The following MICU3 variants were observed in gnomAD, a reference collection of about 807,000 sequenced individuals.
MICU3 encodes the protein calcium uptake protein 3, mitochondrial.
In MICU3, 62 loss-of-function variants were observed where a neutral mutation model predicts 66.5. That is an observed-to-expected ratio of 0.93 (90% CI 0.76 to 1.15). The LOEUF is 1.15. MICU3 is among the 50% of genes most tolerant of loss of function. MICU3 has a pLI of 0.00. For missense variants in MICU3, 779 were observed against 664.4 expected (o/e 1.17, Z -1.90); for synonymous variants, 308 against 240.7 (o/e 1.28, Z -2.59).
intron 3 of MICU3, among the ~76,000 whole-genome samples, chr8:17,071,414 A>G (rs148231057): frequency 5.9e-5 from 9 of 152,186 alleles, no homozygotes; most frequent in Non-Finnish European, 1.2e-4. Context: ...CTGTGTCCTA[A>G]TCTCTTCTTA....
chr8:17,114,992 G>A (rs1165079623), intron 12 of MICU3, among the ~76,000 whole-genome samples: 1 of 150,890 alleles, frequency 6.6e-6, no homozygotes, highest in East Asian at 1.9e-4. Context: ...AGTGGCGGGC[G>A]CCTGTAGTCC....
intron 4 of MICU3, among the ~76,000 whole-genome samples, chr8:17,081,404 A>G (rs1821161645): frequency 1.3e-5 from 2 of 152,108 alleles, no homozygotes; most frequent in African/African-American, 2.4e-5. Flanking sequence ...GTCGTACATT[A>G]GAAACTAGCA....
intron 1 of MICU3, among the ~76,000 whole-genome samples, chr8:17,035,290 G>C (rs971306713): frequency 3.5e-4 from 53 of 152,316 alleles, no homozygotes; most frequent in Admixed American, 3.5e-3. Flanking sequence ...CTGGTAGAGG[G>C]GGGTGCTGTT....
downstream of MICU3, among the ~76,000 whole-genome samples, chr8:17,125,092 T>A (rs1171527995): frequency 1.3e-5 from 2 of 152,166 alleles, no homozygotes; most frequent in African/African-American, 4.8e-5. Flanking sequence ...TCAGTTTTCC[T>A]GGTATTTCTA....
chr8:17,045,088 A>G (rs1233654573), intron 1 of MICU3, among the ~76,000 whole-genome samples: 1 of 152,032 alleles, frequency 6.6e-6, no homozygotes, highest in East Asian at 1.9e-4. Context: ...AATCGGAGGT[A>G]TCTGCTAGTC....
At chr8:17,071,504 C>T (rs1353788261) in intron 3 of MICU3, among the ~76,000 whole-genome samples, 2 of 151,974 alleles carry the variant, frequency 1.3e-5, no homozygotes, top group Admixed American at 6.6e-5. Flanking sequence ...AAAGAAAGGT[C>T]CTCTCTGCAA....
intron 1 of MICU3, among the ~76,000 whole-genome samples, chr8:17,063,821 A>C (rs1221027774): frequency 6.6e-6 from 1 of 151,986 alleles, no homozygotes; most frequent in Admixed American, 6.6e-5. Flanking sequence ...AAATAAACCA[A>C]AAAAAAATCA....
intron 8 of MICU3, among the ~76,000 whole-genome samples, chr8:17,097,277 A>G (rs369243735): frequency 6.6e-6 from 1 of 151,778 alleles, no homozygotes; most frequent in East Asian, 1.9e-4. Context: ...TATTAGTTCT[A>G]TATTTAGCTA....
chr8:17,063,168 AAAAG>A (rs1193557782), intron 1 of MICU3, among the ~76,000 whole-genome samples: 1 of 152,168 alleles, frequency 6.6e-6, no homozygotes, highest in Non-Finnish European at 1.5e-5. Context: ...TTTCTTTGCC[AAAAG>A]AAAGCAAAAA....
the MICU3 span, among the ~76,000 whole-genome samples, chr8:17,138,165 G>A: frequency 6.6e-6 from 1 of 152,036 alleles, no homozygotes; most frequent in Non-Finnish European, 1.5e-5. Flanking sequence ...TGTTTAAAGA[G>A]TTATGATGTC....
intron 3 of MICU3, among the ~76,000 whole-genome samples, chr8:17,071,171 G>T (rs1209566145): frequency 2.0e-5 from 3 of 152,148 alleles, no homozygotes; most frequent in African/African-American, 7.2e-5. Context: ...TGTCACAACT[G>T]TTCCATAGCA....
At chr8:17,042,978 C>T (rs981590482) in intron 1 of MICU3, among the ~76,000 whole-genome samples, 2 of 109,688 alleles carry the variant, frequency 1.8e-5, no homozygotes, top group African/African-American at 3.6e-5. Flanking sequence ...CTCACTCTTT[C>T]GCCCAAGCTG....
At chr8:17,058,020 C>T (rs1050560044) in intron 1 of MICU3, among the ~76,000 whole-genome samples, 3 of 151,972 alleles carry the variant, frequency 2.0e-5, no homozygotes, top group Non-Finnish European at 4.4e-5. Flanking sequence ...GCTAATTTTT[C>T]TGTATTTTTA....
At chr8:17,051,686 G>C (rs1414252097) in intron 1 of MICU3, among the ~76,000 whole-genome samples, 2 of 152,138 alleles carry the variant, frequency 1.3e-5, no homozygotes, top group Non-Finnish European at 2.9e-5. Context: ...TGCTATAAGA[G>C]GAAAACTGAG....
intron 1 of MICU3, 40 bp downstream of exon 1, chr8:17,027,700 T>A: frequency 7.9e-7 from 1 of 1,263,192 alleles, no homozygotes; most frequent in Non-Finnish European, 9.9e-7. Flanking sequence ...GCGGGGGATG[T>A]GACCTTCGTG....
chr8:17,134,714 G>A, the MICU3 span, among the ~76,000 whole-genome samples: 1 of 152,128 alleles, frequency 6.6e-6, no homozygotes, highest in Non-Finnish European at 1.5e-5. Context: ...AAATTGCTGG[G>A]ATCATAGGCG....
At chr8:17,033,144 C>T (rs991555330) in intron 1 of MICU3, among the ~76,000 whole-genome samples, 3 of 152,152 alleles carry the variant, frequency 2.0e-5, no homozygotes, top group African/African-American at 7.2e-5. Flanking sequence ...GGAAGAGTTG[C>T]ACATCTCTCA....
intron 1 of MICU3, among the ~76,000 whole-genome samples, chr8:17,054,045 G>A (rs927571684): frequency 6.6e-6 from 1 of 152,204 alleles, no homozygotes; most frequent in Non-Finnish European, 1.5e-5. Context: ...GTTTTCTGCA[G>A]GAGCTTTGCA....
chr8:17,100,627 A>G (rs1801174191), intron 9 of MICU3, among the ~76,000 whole-genome samples: 1 of 151,672 alleles, frequency 6.6e-6, no homozygotes, highest in Non-Finnish European at 1.5e-5. Context: ...TTTAATATGT[A>G]ATTATTGAGA....
Sources: allele counts gnomAD v4.1 joint callset (sites outside exome capture counted in the v4.1 genomes callset), GRCh38; gene constraint gnomAD v4.1.1; transcripts MANE v1.5; gene names NCBI Gene and HGNC (gene_info 2026-07-23, HGNC 2026-07-21).